The following ADAMTSL1 variants were observed in gnomAD, a reference collection of about 807,000 sequenced individuals.
ADAMTSL1 encodes ADAMTS like 1, also known as ADAMTS-like protein 1.
ADAMTSL1 carries 126 observed loss-of-function variants against 201.8 expected under a neutral mutation model. The observed-to-expected ratio is 0.62, with a 90% CI of 0.54 to 0.72. The LOEUF is 0.72. Ranked by LOEUF, ADAMTSL1 falls within the 30% of genes least tolerant of loss-of-function variation. The probability of loss-of-function intolerance (pLI) is 0.00; values close to 1 mark genes in which losing one functional copy is unlikely to be tolerated. For synonymous variants in ADAMTSL1, 1,121 were observed against 903.4 expected, an observed-to-expected ratio of 1.24 and a Z score of -4.32; for missense variants, 2,679 against 2,277.8, an observed-to-expected ratio of 1.18 and a Z score of -3.59.
rs1263508407 is a variant in ADAMTSL1 at position 18,686,327 on chromosome 9, A to G, written c.1574+1527A>G. 2.0e-5 allele frequency among the ~76,000 whole-genome samples: 3 copies of G among 152,226 alleles called. No homozygotes were observed. The East Asian group carries it at 5.8e-4, about 29-fold the overall frequency. ...TTTTTGACTTCTTTGAGAAAAAGCA[A>G]CTAACCACTGCAGAACTTTGGAGGA... is the stretch of plus-strand genomic sequence containing the variant. On this transcript the variant is annotated intron_variant, in intron 13 of 28. Coordinates refer to ENST00000380548, the MANE Select transcript of ADAMTSL1 (RefSeq NM_001040272.6).
intron 2 of ADAMTSL1, among the ~76,000 whole-genome samples, chr9:18,357,169 C>A (rs937230503): frequency 6.6e-6 from 1 of 152,060 alleles, no homozygotes; most frequent in Non-Finnish European, 1.5e-5. Flanking sequence ...ATAGAAAGGA[C>A]TCTAGAGTAT....
chr9:18,098,216 T>A (rs937250225), intron 1 of ADAMTSL1, among the ~76,000 whole-genome samples: 1 of 152,118 alleles, frequency 6.6e-6, no homozygotes, highest in Non-Finnish European at 1.5e-5. Context: ...TACAACTTTG[T>A]AATAAGTATT....
chr9:18,459,590 T>A (rs978238212), intron 2 of ADAMTSL1, among the ~76,000 whole-genome samples: 1 of 152,168 alleles, frequency 6.6e-6, no homozygotes, highest in Non-Finnish European at 1.5e-5. Context: ...CATCATGACT[T>A]CGTTAATCCA....
intron 2 of ADAMTSL1, among the ~76,000 whole-genome samples, chr9:18,255,782 C>A (rs796638822): frequency 5.9e-5 from 9 of 152,256 alleles, no homozygotes; most frequent in Non-Finnish European, 1.0e-4. Context: ...CCACTCCCTC[C>A]CACCTCTCTG....
chr9:18,661,547 A>G (rs1216295485), intron 8 of ADAMTSL1, among the ~76,000 whole-genome samples: 1 of 152,208 alleles, frequency 6.6e-6, no homozygotes, highest in Non-Finnish European at 1.5e-5. Flanking sequence ...CCCAGGTACT[A>G]AGGAGGCAAT....
At chr9:18,099,355 A>ATATATATATATATATATATATTTT (rs1239180390) in intron 1 of ADAMTSL1, among the ~76,000 whole-genome samples, 1 of 45,546 alleles carries the variant, frequency 2.2e-5, no homozygotes, top group African/African-American at 8.1e-5. Flanking sequence ...ATATATATAT[A>ATATATATATATATATATATATTTT]TTTTTTTTTT....
chr9:18,535,186 A>G (rs1222792890), intron 3 of ADAMTSL1, among the ~76,000 whole-genome samples: 2 of 152,134 alleles, frequency 1.3e-5, no homozygotes, highest in Non-Finnish European at 2.9e-5. Flanking sequence ...CAGATACCCT[A>G]AATCATCTCT....
chr9:18,106,794 A>G (rs535857110), intron 1 of ADAMTSL1, among the ~76,000 whole-genome samples: 6 of 152,220 alleles, frequency 3.9e-5, no homozygotes, highest in East Asian at 1.9e-4. Flanking sequence ...TTTGAGTTGC[A>G]TCTTTTAGAT....
At chr9:18,639,601 G>T (rs1022421272) in intron 7 of ADAMTSL1, among the ~76,000 whole-genome samples, 190 bp downstream of exon 7, 1 of 151,948 alleles carries the variant, frequency 6.6e-6, no homozygotes, top group Non-Finnish European at 1.5e-5. Flanking sequence ...GATATTTCAA[G>T]GTCATAGAAA....
At chr9:18,190,754 G>A (rs954613432) in intron 2 of ADAMTSL1, among the ~76,000 whole-genome samples, 7 of 152,122 alleles carry the variant, frequency 4.6e-5, no homozygotes, top group Non-Finnish European at 1.0e-4. Context: ...CCGTCCATTT[G>A]ATAACCATTC....
Position 18,516,666 on chromosome 9 carries a change from A to G in ADAMTSL1, c.191+11710A>G, listed in dbSNP as rs571611894. On this transcript the variant is annotated intron_variant, in intron 2 of 28. Transcript: ENST00000380548. ...CTTGTATGACATTGGACTAGATTTTAGTTTCTCTGGGATTTTGTTTGCTTA... is the reference window on the plus strand; with the variant it reads ...CTTGTATGACATTGGACTAGATTTTGGTTTCTCTGGGATTTTGTTTGCTTA... Among the ~76,000 whole-genome samples, 3 of 152,294 alleles carry G rather than the reference A, an allele frequency of 2.0e-5. No individual in the cohort carries two copies. The East Asian group carries it at 5.8e-4, about 29-fold the overall frequency.
intron 4 of ADAMTSL1, among the ~76,000 whole-genome samples, chr9:18,594,966 G>A (rs948718734): frequency 2.0e-5 from 3 of 152,102 alleles, no homozygotes; most frequent in African/African-American, 7.2e-5. Flanking sequence ...GGCCTTCCAG[G>A]GATTCTAAGC....
intron 1 of ADAMTSL1, among the ~76,000 whole-genome samples, chr9:17,988,757 A>G (rs1308728544): frequency 1.3e-5 from 2 of 151,866 alleles, no homozygotes; most frequent in African/African-American, 4.8e-5. Context: ...CCTTTTTCAG[A>G]GGAAGACAAT....
chr9:18,827,520 G>T (rs1824656417), intron 22 of ADAMTSL1, among the ~76,000 whole-genome samples: 1 of 152,256 alleles, frequency 6.6e-6, no homozygotes, highest in African/African-American at 2.4e-5. Flanking sequence ...CAGAAAACTG[G>T]CTCAGAGAAA....
chr9:18,662,863 T>C (rs1829188671), intron 9 of ADAMTSL1, among the ~76,000 whole-genome samples: 1 of 152,174 alleles, frequency 6.6e-6, no homozygotes, highest in Non-Finnish European at 1.5e-5. Flanking sequence ...TTCTCTTTAG[T>C]ATAGTGTAGC....
chr9:18,010,767 G>A (rs1255872224), intron 1 of ADAMTSL1, among the ~76,000 whole-genome samples: 5 of 151,838 alleles, frequency 3.3e-5, no homozygotes, highest in African/African-American at 1.2e-4. Context: ...GGTATTCTGC[G>A]CAATTACCAA....
At chr9:18,347,801 G>T (rs190005453) in intron 2 of ADAMTSL1, among the ~76,000 whole-genome samples, 1 of 152,162 alleles carries the variant, frequency 6.6e-6, no homozygotes, top group African/African-American at 2.4e-5. Context: ...TTTGTTTCAA[G>T]CACTGCTTTG....
chr9:18,119,806 G>T (rs1825422357), intron 1 of ADAMTSL1, among the ~76,000 whole-genome samples: 2 of 152,026 alleles, frequency 1.3e-5, no homozygotes, highest in Admixed American at 6.6e-5. Context: ...TGCCAAAACT[G>T]CTCAATGAGT....
At chr9:18,471,712 A>C (rs1487040505), upstream of ADAMTSL1, among the ~76,000 whole-genome samples, 3 of 152,212 alleles carry the variant, frequency 2.0e-5, no homozygotes, top group African/African-American at 7.2e-5. Flanking sequence ...AATCAGAAGC[A>C]TGAGACAGTG....
Sources: allele counts gnomAD v4.1 joint callset (sites outside exome capture counted in the v4.1 genomes callset), GRCh38; gene constraint gnomAD v4.1.1; transcripts MANE v1.5; gene names NCBI Gene and HGNC (gene_info 2026-07-23, HGNC 2026-07-21).